The following HDAC9 variants were observed in gnomAD, a reference collection of about 807,000 sequenced individuals.
The protein encoded by HDAC9 is histone deacetylase 9.
In HDAC9, 41 loss-of-function variants were observed where a neutral mutation model predicts 139.4. The ratio of observed to expected loss-of-function variants is 0.29; its 90% CI spans 0.23 to 0.38. The LOEUF is 0.38. HDAC9 is among the 10% of genes least tolerant of loss of function. The pLI is 1.00. For missense variants in HDAC9, 1,147 were observed against 1,297.0 expected, an observed-to-expected ratio of 0.88 and a Z score of 1.78; for synonymous variants, 517 against 476.2, an observed-to-expected ratio of 1.09 and a Z score of -1.12.
At chr7:18,994,769 T>C (rs961467769) in intron 25 of HDAC9, among the ~76,000 whole-genome samples, 2 of 152,212 alleles carry the variant, frequency 1.3e-5, no homozygotes, top group Admixed American at 1.3e-4. Flanking sequence ...CTTATAAATC[T>C]GTAAAATAAC....
chr7:18,710,201 T>G (rs1448263317), intron 12 of HDAC9, among the ~76,000 whole-genome samples: 1 of 152,090 alleles, frequency 6.6e-6, no homozygotes, highest in African/African-American at 2.4e-5. Context: ...ACCCCCATGA[T>G]TCAGTTAACT....
intron 2 of HDAC9, among the ~76,000 whole-genome samples, chr7:18,557,052 T>G (rs1819027275): frequency 1.3e-5 from 2 of 152,040 alleles, no homozygotes; most frequent in African/African-American, 4.8e-5. Context: ...TATTAGGGAA[T>G]TCAGTAGATT....
upstream of HDAC9, among the ~76,000 whole-genome samples, chr7:18,495,497 A>C (rs764732642): frequency 6.6e-6 from 1 of 152,028 alleles, no homozygotes; most frequent in Non-Finnish European, 1.5e-5. Flanking sequence ...GAGAGGAAAG[A>C]GTTAATTGGT....
At chr7:18,719,417 G>A (rs1436721865) in intron 12 of HDAC9, among the ~76,000 whole-genome samples, 2 of 133,148 alleles carry the variant, frequency 1.5e-5, no homozygotes, top group African/African-American at 2.9e-5. Context: ...TCGGCTCACT[G>A]CAACCTCCAT....
At chr7:18,547,102 T>C (rs1211864253) in intron 2 of HDAC9, among the ~76,000 whole-genome samples, 1 of 152,242 alleles carries the variant, frequency 6.6e-6, no homozygotes, top group East Asian at 1.9e-4. Flanking sequence ...TAAAAATTAC[T>C]TTATTGCTTA....
intron 1 of HDAC9, among the ~76,000 whole-genome samples, chr7:18,412,138 G>A (rs1001471021): frequency 6.6e-6 from 1 of 151,970 alleles, no homozygotes; most frequent in Non-Finnish European, 1.5e-5. Context: ...TCAACTTGCT[G>A]TATTTTCAAT....
chr7:18,627,939 A>T (rs1456525192), intron 6 of HDAC9, among the ~76,000 whole-genome samples: 4 of 152,030 alleles, frequency 2.6e-5, no homozygotes, highest in Non-Finnish European at 1.5e-5. Context: ...AAAACATATA[A>T]TGCAAGAGTT....
chr7:18,825,100 G>C (rs574253252), intron 17 of HDAC9, among the ~76,000 whole-genome samples: 1 of 152,156 alleles, frequency 6.6e-6, no homozygotes, highest in Admixed American at 6.5e-5. Context: ...AGTTTCAAGT[G>C]ACTTTGATAT....
In HDAC9 at chr7:18,093,898, A is replaced by C. The variant is rs369737547; in HGVS notation, c.-97+6685A>C. ...TTAAATATCTTCTTTAAATGGATCT[A>C]GTTCCATTGATCAGAATCATTGGCC... On this transcript the variant is annotated intron_variant, in intron 1 of 12. Transcript: ENST00000417496. Among the ~76,000 whole-genome samples, 16 of 152,218 alleles carry C rather than the reference A, an allele frequency of 1.1e-4. No individual in the cohort carries two copies. The East Asian group carries it at 1.2e-3, about 11-fold the overall frequency.
At chr7:18,952,117 T>A (rs1196014466) in intron 23 of HDAC9, among the ~76,000 whole-genome samples, 2 of 151,982 alleles carry the variant, frequency 1.3e-5, no homozygotes, top group East Asian at 3.9e-4. Flanking sequence ...GACATTCAAC[T>A]AAAACATGCA....
At chr7:18,502,009 A>G (rs1470069345) in intron 2 of HDAC9, among the ~76,000 whole-genome samples, 1 of 152,168 alleles carries the variant, frequency 6.6e-6, no homozygotes, top group East Asian at 1.9e-4. Context: ...GGTCCTTCAT[A>G]TAGCTCCACT....
chr7:18,728,231 A>G (rs1785717300), intron 13 of HDAC9, among the ~76,000 whole-genome samples: 1 of 151,786 alleles, frequency 6.6e-6, no homozygotes, highest in South Asian at 2.1e-4. Context: ...ACCAAAGCAA[A>G]CTTCACTTGA....
chr7:18,449,392 A>G (rs1210314019), intron 1 of HDAC9, among the ~76,000 whole-genome samples: 1 of 152,190 alleles, frequency 6.6e-6, no homozygotes, highest in African/African-American at 2.4e-5. Context: ...ATATGACTCA[A>G]TTTTTATAAA....
At position 18,583,729 on chromosome 7, in the gene HDAC9, G is replaced by A. The variant is rs114772868; in HGVS notation, c.23-1552G>A. On this transcript the variant is annotated intron_variant, in intron 2 of 25. Coordinates refer to ENST00000686413, the MANE Select transcript of HDAC9 (RefSeq NM_178425.4). ...TGATTGCACCACTGCACTACAGCCT[G>A]GACGAAAAAGTGAGCCCTCCAGCAG... is the stretch of plus-strand genomic sequence containing the variant. Among the ~76,000 whole-genome samples, 384 of 152,236 alleles carry A rather than the reference G, an allele frequency of 2.5e-3. 2 individuals are homozygous for A. Among genetic ancestry groups the A allele is most frequent in the African/African-American group, 8.7e-3 (361 of 41,538 alleles).
At chr7:18,846,018 C>A (rs371410527) in intron 21 of HDAC9, among the ~76,000 whole-genome samples, 5 of 152,124 alleles carry the variant, frequency 3.3e-5, no homozygotes, top group African/African-American at 1.2e-4. Context: ...GTGTACCAAG[C>A]CTACGAAGGC....
chr7:18,696,784 A>G (rs1373492138), intron 12 of HDAC9, among the ~76,000 whole-genome samples: 2 of 152,032 alleles, frequency 1.3e-5, no homozygotes, highest in African/African-American at 4.8e-5. Context: ...TCTTATTATT[A>G]CTTGACTTAG....
At chr7:18,740,111 CT>C (rs2129140958) in intron 13 of HDAC9, among the ~76,000 whole-genome samples, 1 of 152,344 alleles carries the variant, frequency 6.6e-6, no homozygotes, top group South Asian at 2.1e-4. Flanking sequence ...CTGCCGATTG[CT>C]AAGACCTTGG....
upstream of HDAC9, chr7:18,290,258 G>A (rs927057197): frequency 6.1e-6 from 2 of 326,414 alleles, no homozygotes; most frequent in Non-Finnish European, 1.2e-5. Context: ...TATAGTAACT[G>A]TCTTTGCCCC....
intron 2 of HDAC9, chr7:18,505,781 TTA>T (rs1471121515): frequency 2.0e-5 from 3 of 152,222 alleles, no homozygotes; most frequent in Non-Finnish European, 4.4e-5. Flanking sequence ...TGTAAAAGCA[TTA>T]TTGATTATCA....
Sources: allele counts gnomAD v4.1 joint callset (sites outside exome capture counted in the v4.1 genomes callset), GRCh38; gene constraint gnomAD v4.1.1; transcripts MANE v1.5; gene names NCBI Gene and HGNC (gene_info 2026-07-23, HGNC 2026-07-21).